APBB2: variants seen among roughly 807,000 people sequenced by gnomAD.
The protein encoded by APBB2 is amyloid beta precursor protein binding family B member 2.
In APBB2, 38 loss-of-function variants were observed where a neutral mutation model predicts 82.5. The observed-to-expected ratio is 0.46, with a 90% CI of 0.36 to 0.60. The LOEUF is 0.60. APBB2 is among the 20% of genes least tolerant of loss of function. The pLI is 0.00. For synonymous variants in APBB2, 341 were observed against 368.2 expected (o/e 0.93, Z 0.85); for missense variants, 772 against 972.3 (o/e 0.79, Z 2.74).
intron 10 of APBB2, among the ~76,000 whole-genome samples, chr4:40,908,179 A>C (rs1055480872): frequency 6.6e-6 from 1 of 152,034 alleles, no homozygotes; most frequent in Non-Finnish European, 1.5e-5. Context: ...ACAGAACAAA[A>C]AGGCGGCCAG....
chr4:41,101,470 C>CAAAAAAAAAAAA (rs150527764), intron 2 of APBB2, among the ~76,000 whole-genome samples: 43 of 72,520 alleles, frequency 5.9e-4, no homozygotes, highest in Non-Finnish European at 8.8e-4. Flanking sequence ...GACTCCGTCT[C>CAAAAAAAAAAAA]AAAAAAAAAA....
chr4:41,096,584 T>C (rs1362413702), intron 3 of APBB2, among the ~76,000 whole-genome samples: 2 of 152,270 alleles, frequency 1.3e-5, no homozygotes, highest in Non-Finnish European at 2.9e-5. Flanking sequence ...AACCACTCTC[T>C]ACATTTACCA....
chr4:40,974,528 TTATAG>T (rs1227684205), intron 6 of APBB2, among the ~76,000 whole-genome samples: 1 of 152,142 alleles, frequency 6.6e-6, no homozygotes, highest in African/African-American at 2.4e-5. Context: ...TATAGTTTTA[TTATAG>T]TAAACAGAGA....
At chr4:41,007,977 A>G (rs1313335993) in intron 6 of APBB2, among the ~76,000 whole-genome samples, 1 of 152,238 alleles carries the variant, frequency 6.6e-6, no homozygotes, top group Non-Finnish European at 1.5e-5. Flanking sequence ...TAAGGACTTT[A>G]TACAGCTCGG....
chr4:41,060,166 A>AT, intron 4 of APBB2, among the ~76,000 whole-genome samples: 1 of 152,162 alleles, frequency 6.6e-6, no homozygotes, highest in East Asian at 1.9e-4. Context: ...ACAAGAAACA[A>AT]TTTACCAAAA....
chr4:40,977,512 C>T (rs1301395457), intron 6 of APBB2, among the ~76,000 whole-genome samples: 1 of 152,142 alleles, frequency 6.6e-6, no homozygotes, highest in Non-Finnish European at 1.5e-5. Flanking sequence ...AGAGTTTCGC[C>T]ATGTTGGCCA....
At chr4:40,836,771 GAGA>G (rs1263818599) in intron 12 of APBB2, among the ~76,000 whole-genome samples, 7 of 152,204 alleles carry the variant, frequency 4.6e-5, no homozygotes, top group South Asian at 4.1e-4. Context: ...CCTTACCTGG[GAGA>G]AGGAGTTTGG....
At chr4:40,953,711 T>A (rs1414388046) in intron 6 of APBB2, among the ~76,000 whole-genome samples, 1 of 152,182 alleles carries the variant, frequency 6.6e-6, no homozygotes, top group Non-Finnish European at 1.5e-5. Context: ...GAGGCTGAGA[T>A]CCACATGCTT....
At chr4:41,020,615 ATAAGG>A (rs989937970) in intron 5 of APBB2, among the ~76,000 whole-genome samples, 8 of 152,252 alleles carry the variant, frequency 5.3e-5, no homozygotes, top group Admixed American at 3.3e-4. Flanking sequence ...ATATTAACTT[ATAAGG>A]TAATCCCAAA....
chr4:41,040,092 T>C (rs1720770163), intron 4 of APBB2, among the ~76,000 whole-genome samples: 1 of 152,084 alleles, frequency 6.6e-6, no homozygotes, highest in Admixed American at 6.6e-5. Flanking sequence ...CTAAAAACTA[T>C]AATTATATAG....
chr4:40,842,189 C>G (rs1475988561), intron 12 of APBB2, among the ~76,000 whole-genome samples: 2 of 152,208 alleles, frequency 1.3e-5, no homozygotes, highest in Non-Finnish European at 2.9e-5. Context: ...AGATGCAATT[C>G]CAGACTCTGT....
At chr4:41,003,689 G>A (rs1805844572) in intron 6 of APBB2, among the ~76,000 whole-genome samples, 1 of 152,090 alleles carries the variant, frequency 6.6e-6, no homozygotes, top group Non-Finnish European at 1.5e-5. Flanking sequence ...CCTTCAAAGG[G>A]AGCGAGACCC....
intron 12 of APBB2, among the ~76,000 whole-genome samples, chr4:40,842,940 G>C (rs1464116172): frequency 6.6e-6 from 1 of 152,120 alleles, no homozygotes; most frequent in Non-Finnish European, 1.5e-5. Flanking sequence ...GCTCAATGGG[G>C]GAGAGATCAG....
chr4:40,940,294 ATAGTCAT>A (rs535501111), intron 7 of APBB2, among the ~76,000 whole-genome samples: 279 of 152,312 alleles, frequency 1.8e-3, no homozygotes, highest in Admixed American at 4.4e-3. Flanking sequence ...TAGGGAGGCT[ATAGTCAT>A]TAGAGGACCT....
intron 2 of APBB2, among the ~76,000 whole-genome samples, chr4:41,123,771 C>T (rs1344441960): frequency 1.3e-5 from 2 of 151,720 alleles, no homozygotes; most frequent in East Asian, 1.9e-4. Context: ...TGCAGTGAGC[C>T]GAGATGGCAC....
intron 10 of APBB2, 27 bp from the exon 11 acceptor site, chr4:40,893,438 A>G: frequency 6.3e-7 from 1 of 1,588,986 alleles, no homozygotes; most frequent in Non-Finnish European, 8.6e-7. Flanking sequence ...GAGGACAAGA[A>G]GTCACTCCAT....
At chr4:41,021,640 C>G (rs1043010059) in intron 5 of APBB2, among the ~76,000 whole-genome samples, 1 of 152,196 alleles carries the variant, frequency 6.6e-6, no homozygotes, top group Non-Finnish European at 1.5e-5. Context: ...GTTCAGTGCT[C>G]TGTAAAATGG....
chr4:41,110,653 A>T (rs1415335151), intron 2 of APBB2, among the ~76,000 whole-genome samples: 1 of 152,060 alleles, frequency 6.6e-6, no homozygotes, highest in Non-Finnish European at 1.5e-5. Context: ...TGTACTGACA[A>T]AAATTATTTT....
chr4:41,118,043 C>CAA (rs1480934459), intron 2 of APBB2: 2 of 135,388 alleles, frequency 1.5e-5, no homozygotes, highest in African/African-American at 2.7e-5. Context: ...ACTGTATCTA[C>CAA]AAAACAAAAC....
Sources: gnomAD v4.1 joint callset for allele counts (sites outside exome capture counted in the v4.1 genomes callset) on GRCh38, gnomAD v4.1.1 for gene constraint, MANE v1.5 for transcripts, NCBI Gene and HGNC (gene_info 2026-07-23, HGNC 2026-07-21) for gene names.